The following NLGN1 variants were observed in gnomAD, a reference collection of about 807,000 sequenced individuals.
NLGN1 encodes the protein neuroligin 1.
Under a neutral mutation model 65.5 loss-of-function variants are expected in NLGN1, and 12 were observed. The ratio of observed to expected loss-of-function variants is 0.18; its 90% CI spans 0.12 to 0.30. The LOEUF (loss-of-function observed/expected upper bound fraction) is 0.30. Among genes scored for constraint, NLGN1 ranks in the 10% least tolerant of loss-of-function variants. The probability of loss-of-function intolerance (pLI) is 1.00; values close to 1 mark genes in which losing one functional copy is unlikely to be tolerated. For missense variants in NLGN1, 750 were observed against 1,007.1 expected (o/e 0.74, Z 3.46); for synonymous variants, 350 against 359.5 (o/e 0.97, Z 0.30).
At chr3:174,073,648 A>G (rs1282382580) in intron 4 of NLGN1, among the ~76,000 whole-genome samples, 1 of 152,156 alleles carries the variant, frequency 6.6e-6, no homozygotes, top group African/African-American at 2.4e-5. Context: ...ACTTCTTCCC[A>G]TTTGGTTGAA....
Position 173,490,451 on chromosome 3 carries a change from A to G in NLGN1, c.-321+55373A>G, listed in dbSNP as rs560724564. The stretch of plus-strand genomic sequence containing the variant: ...GAGCTCTGTTCTGTTCCATTGGTCT[A>G]TATCTCTGTTTTGGTACCAGTACCA... On this transcript the variant is annotated intron_variant, in intron 2 of 6. Coordinates refer to ENST00000457714, the Ensembl canonical transcript of NLGN1. 3.4e-3 allele frequency among the ~76,000 whole-genome samples: 517 copies of G among 152,206 alleles called. 2 individuals are homozygous for G. Among genetic ancestry groups the G allele is most frequent in the African/African-American group, 0.011 (459 of 41,540 alleles).
At chr3:173,600,657 C>A (rs2149435226) in intron 2 of NLGN1, among the ~76,000 whole-genome samples, 1 of 135,056 alleles carries the variant, frequency 7.4e-6, no homozygotes, top group African/African-American at 2.6e-5. Flanking sequence ...TCCTGCTAGG[C>A]CCTGCTCCCA....
intron 2 of NLGN1, among the ~76,000 whole-genome samples, chr3:173,573,560 G>A (rs1020226159): frequency 6.7e-6 from 1 of 149,410 alleles, no homozygotes; most frequent in South Asian, 2.1e-4. Context: ...TATATTGTAT[G>A]TATGTTGAAA....
intron 4 of NLGN1, among the ~76,000 whole-genome samples, chr3:174,118,099 TTTTA>T (rs1716935504): frequency 6.6e-6 from 1 of 152,188 alleles, no homozygotes; most frequent in Admixed American, 6.5e-5. Context: ...TCTCTCTTAT[TTTTA>T]TTTTTTATAT....
At chr3:174,212,347 G>T (rs556820298) in intron 4 of NLGN1, among the ~76,000 whole-genome samples, 3 of 152,190 alleles carry the variant, frequency 2.0e-5, no homozygotes, top group Non-Finnish European at 4.4e-5. Context: ...TCCCGCCCGC[G>T]CCTCTCCCTC....
chr3:174,113,128 T>G (rs1357067220), intron 4 of NLGN1, among the ~76,000 whole-genome samples: 1 of 151,982 alleles, frequency 6.6e-6, no homozygotes, highest in Non-Finnish European at 1.5e-5. Flanking sequence ...CACATCTAGA[T>G]TTTAATGCTT....
intron 4 of NLGN1, among the ~76,000 whole-genome samples, chr3:174,063,958 A>G (rs978360980): frequency 6.6e-6 from 1 of 152,172 alleles, no homozygotes; most frequent in Admixed American, 6.6e-5. Flanking sequence ...CCTGGCCAAC[A>G]TGGTAAAACC....
intron 2 of NLGN1, among the ~76,000 whole-genome samples, chr3:173,497,667 A>G (rs1020224791): frequency 6.6e-6 from 1 of 151,768 alleles, no homozygotes; most frequent in African/African-American, 2.4e-5. Context: ...GAAAAATCCC[A>G]AATGTTAACT....
intron 3 of NLGN1, among the ~76,000 whole-genome samples, chr3:173,794,725 C>T (rs1454302094): frequency 6.6e-6 from 1 of 152,096 alleles, no homozygotes; most frequent in Non-Finnish European, 1.5e-5. Context: ...TGCAAATTTG[C>T]TGATGCTCAG....
intron 5 of NLGN1, among the ~76,000 whole-genome samples, chr3:174,278,084 T>G (rs1234915253): frequency 6.6e-6 from 1 of 152,010 alleles, no homozygotes; most frequent in Non-Finnish European, 1.5e-5. Context: ...TAAAAAGCAG[T>G]GGACCATGTG....
At chr3:174,074,177 A>T (rs1388604694) in intron 4 of NLGN1, among the ~76,000 whole-genome samples, 2 of 152,164 alleles carry the variant, frequency 1.3e-5, no homozygotes, top group Non-Finnish European at 2.9e-5. Context: ...CAAATGGAGA[A>T]TTGAGGATGT....
At chr3:173,940,079 G>GTTTT (rs1745752029) in intron 4 of NLGN1, among the ~76,000 whole-genome samples, 1 of 90,078 alleles carries the variant, frequency 1.1e-5, no homozygotes, top group African/African-American at 4.9e-5. Flanking sequence ...AATAGTTATA[G>GTTTT]CTTTTTTTTT....
chr3:173,487,530 G>T (rs963721977), intron 2 of NLGN1, among the ~76,000 whole-genome samples: 2 of 151,580 alleles, frequency 1.3e-5, no homozygotes, highest in African/African-American at 2.4e-5. Context: ...GCTTTCATTT[G>T]TTTAATACAT....
intron 4 of NLGN1, among the ~76,000 whole-genome samples, chr3:173,920,137 A>C (rs1295937366): frequency 6.6e-6 from 1 of 151,904 alleles, no homozygotes; most frequent in Non-Finnish European, 1.5e-5. Flanking sequence ...GACTAGATAC[A>C]GATACTCTGA....
intron 4 of NLGN1, among the ~76,000 whole-genome samples, chr3:173,891,294 C>G (rs1357551519): frequency 6.6e-6 from 1 of 152,068 alleles, no homozygotes; most frequent in Non-Finnish European, 1.5e-5. Flanking sequence ...TCTCAGTTCC[C>G]AAGTGGAAGG....
chr3:173,515,180 G>T (rs1733624741), intron 2 of NLGN1, among the ~76,000 whole-genome samples: 2 of 151,990 alleles, frequency 1.3e-5, no homozygotes, highest in Non-Finnish European at 2.9e-5. Context: ...TTCTGTTTTT[G>T]ATAATAGCCA....
intron 2 of NLGN1, among the ~76,000 whole-genome samples, chr3:173,499,238 A>T (rs553524974): frequency 1.3e-5 from 2 of 151,682 alleles, no homozygotes; most frequent in African/African-American, 4.9e-5. Context: ...TGTATAAGGT[A>T]TAAGGAAGGG....
At chr3:173,713,125 C>T (rs1769267077) in intron 3 of NLGN1, among the ~76,000 whole-genome samples, 2 of 152,160 alleles carry the variant, frequency 1.3e-5, no homozygotes, top group African/African-American at 2.4e-5. Context: ...ATAAAAATAT[C>T]CTCTCTTTGT....
In NLGN1 at chr3:174,024,085, CAG is replaced by C. The variant is rs1728329008; in HGVS notation, c.646+216254_646+216255del. On this transcript the variant is annotated intron_variant, in intron 4 of 6. Coordinates refer to ENST00000457714, the Ensembl canonical transcript of NLGN1. ...CATTGCAAGAATCCAAACAGAGTAA[CAG>C]GGCTTTGTCCACTGTCTCCAGTCCA... 2.1e-5 allele frequency among the ~76,000 whole-genome samples: 3 copies of C among 141,480 alleles called. No homozygotes were observed. In the Admixed American group the frequency reaches 2.3e-4, roughly 11 times the overall value. 92.8% of individuals were successfully genotyped at this position (141,480 alleles called of 152,430 possible).
Sources: gnomAD v4.1 joint callset for allele counts (sites outside exome capture counted in the v4.1 genomes callset) on GRCh38, gnomAD v4.1.1 for gene constraint, MANE v1.5 for transcripts, NCBI Gene and HGNC (gene_info 2026-07-23, HGNC 2026-07-21) for gene names.